Variants in TOR1AIP1 observed in about 807,000 individuals in gnomAD.
The protein encoded by TOR1AIP1 is torsin-1A-interacting protein 1.
In TOR1AIP1, 54 loss-of-function variants were observed where a neutral mutation model predicts 63.3. The ratio of observed to expected loss-of-function variants is 0.85; its 90% CI spans 0.69 to 1.07. TOR1AIP1 has a LOEUF of 1.07. Among genes scored for constraint, TOR1AIP1 ranks in the 50% least tolerant of loss-of-function variants. TOR1AIP1 has a pLI of 0.00. For missense variants in TOR1AIP1, 736 were observed against 715.0 expected, an observed-to-expected ratio of 1.03 and a Z score of -0.33; for synonymous variants, 294 against 273.5, an observed-to-expected ratio of 1.07 and a Z score of -0.74.
At position 179,908,686 on chromosome 1, in the gene TOR1AIP1, ATC is replaced by A. The variant is rs749037633; in HGVS notation, c.907+17_907+18del. On this transcript the variant is annotated intron_variant, in intron 8 of 9. Coordinates refer to ENST00000606911, the MANE Select transcript of TOR1AIP1 (RefSeq NM_015602.4). ...ACCAGGATGCAAAGTAAGTAGATAA[ATC>A]TCTGTTATTGAAATAATCTTGTGTA... is the stretch of plus-strand genomic sequence containing the variant. 8.1e-6 allele frequency: 13 copies of A among 1,604,212 alleles called. No homozygotes were observed. The highest frequency in any genetic ancestry group is 1.1e-5 in the Non-Finnish European group (13 of 1,172,346).
At chr1:179,910,137 C>T (rs1490006894) in intron 8 of TOR1AIP1, among the ~76,000 whole-genome samples, 1 of 152,170 alleles carries the variant, frequency 6.6e-6, no homozygotes, top group Non-Finnish European at 1.5e-5. Context: ...ATAAAACCAT[C>T]GTACTTTGAA....
intron 3 of TOR1AIP1, among the ~76,000 whole-genome samples, chr1:179,894,277 G>A (rs375201855): frequency 3.3e-5 from 5 of 151,328 alleles, no homozygotes; most frequent in Non-Finnish European, 5.9e-5. Flanking sequence ...GAATAAAGAC[G>A]ACAAATCACG....
rs374172035 is a variant in TOR1AIP1, at chr1:179,882,792, A to G, written c.290A>G (p.Glu97Gly). Reference sequence around the variant, plus strand: ...GAGTTCCGGTCCGATTCTGCGAAAGAGGAAGTGAGAGAAAGCGCGTACTAC... The same window carrying G: ...GAGTTCCGGTCCGATTCTGCGAAAGGGGAAGTGAGAGAAAGCGCGTACTAC... Reference protein sequence around the residue: ...LEEFRSDSAKEEVRESAYYLR... With the variant: ...LEEFRSDSAKGEVRESAYYLR... The change falls in exon 1 of 10, where the codon GAG becomes GGG. Residue 97 changes from glutamate (E) to glycine (G), a missense_variant. Physicochemically the swap from Glu to Gly is moderately conservative, Grantham distance 98. Around this residue, in one of 2 missense-constraint regions of TOR1AIP1, gnomAD observed 464 missense variants for 371.0 expected, o/e 1.25. Coordinates refer to ENST00000606911, the MANE Select transcript of TOR1AIP1 (RefSeq NM_015602.4). 2.5e-6 allele frequency: 4 copies of G among 1,614,048 alleles called. No individual in the cohort carries two copies. In the African/African-American group the frequency reaches 4.0e-5, roughly 16 times the overall value.
intron 9 of TOR1AIP1, among the ~76,000 whole-genome samples, chr1:179,914,605 C>G (rs1648933838): frequency 1.3e-5 from 2 of 152,054 alleles, no homozygotes; most frequent in African/African-American, 4.8e-5. Context: ...ACCATCCTGG[C>G]CAACATGGTG....
rs531766001 is a variant in TOR1AIP1 at position 179,906,841 on chromosome 1, CCTT to C, written c.797-976_797-974del. On this transcript the variant is annotated intron_variant, in intron 6 of 9. Transcript: ENST00000606911. ...CAAGCTCCGCCTCCCAGGTTCACGC[CCTT>C]CTTCTGCCTCAGCCTCCCGAGTAGC... Among the ~76,000 whole-genome samples the C allele has an allele frequency of 3.1e-4, 46 of 150,606 alleles. 1 individual carries two copies. The South Asian group carries it at 8.4e-3, about 28-fold the overall frequency.
At position 179,882,802 on chromosome 1, in the gene TOR1AIP1, A is replaced by G. The variant is rs571502268; in HGVS notation, c.300A>G (p.Arg100=). The part of the protein sequence containing the change: ...FRSDSAKEEV[R]ESAYYLRSRQ... ...CCGATTCTGCGAAAGAGGAAGTGAG[A>G]GAAAGCGCGTACTACCTTCGGTCTA... Residue 100 remains arginine, a synonymous_variant, in exon 1 of 10, where the codon AGA becomes AGG. Coordinates refer to ENST00000606911, the MANE Select transcript of TOR1AIP1 (RefSeq NM_015602.4). 3.7e-6 allele frequency: 6 copies of G among 1,614,056 alleles called. No individual in the cohort carries two copies. In the East Asian group the frequency reaches 6.7e-5, roughly 18 times the overall value.
chr1:179,901,666 A>T (rs1648469693), intron 5 of TOR1AIP1, among the ~76,000 whole-genome samples: 1 of 152,156 alleles, frequency 6.6e-6, no homozygotes, highest in Non-Finnish European at 1.5e-5. Flanking sequence ...TTTGAATTTT[A>T]TAGAGAAACT....
At chr1:179,916,652 C>G (rs1269367533) in intron 9 of TOR1AIP1, among the ~76,000 whole-genome samples, 1 of 150,256 alleles carries the variant, frequency 6.7e-6, no homozygotes, top group Non-Finnish European at 1.5e-5. Context: ...AAAGGGACAG[C>G]TAGCTATTAT....
intron 6 of TOR1AIP1, among the ~76,000 whole-genome samples, chr1:179,906,377 A>C (rs1435640283): frequency 6.6e-6 from 1 of 152,132 alleles, no homozygotes; most frequent in Non-Finnish European, 1.5e-5. Flanking sequence ...CAGCTAGCAC[A>C]TGTTTGTATT....
At chr1:179,910,915 T>C (rs1436430160) in intron 8 of TOR1AIP1, among the ~76,000 whole-genome samples, 4 of 152,250 alleles carry the variant, frequency 2.6e-5, no homozygotes, top group Admixed American at 6.5e-5. Flanking sequence ...AACATAATTA[T>C]ATTGAACATC....
intron 1 of TOR1AIP1, among the ~76,000 whole-genome samples, chr1:179,884,475 C>T (rs1437291755): frequency 6.6e-6 from 1 of 151,876 alleles, no homozygotes; most frequent in Non-Finnish European, 1.5e-5. Flanking sequence ...ACAACAATGG[C>T]AAATATTATT....
At chr1:179,894,278 A>T (rs1648197192) in intron 3 of TOR1AIP1, among the ~76,000 whole-genome samples, 1 of 151,736 alleles carries the variant, frequency 6.6e-6, no homozygotes, top group Non-Finnish European at 1.5e-5. Context: ...AATAAAGACG[A>T]CAAATCACGC....
intron 3 of TOR1AIP1, among the ~76,000 whole-genome samples, chr1:179,891,290 C>T (rs1648070012): frequency 6.6e-6 from 1 of 152,080 alleles, no homozygotes; most frequent in African/African-American, 2.4e-5. Flanking sequence ...GGTGCGATCT[C>T]GGCTCACTGC....
rs919698002 is a variant in TOR1AIP1 at position 179,882,711 on chromosome 1, T to G, written c.209T>G (p.Phe70Cys). 3 of 1,613,002 alleles carry G rather than the reference T, an allele frequency of 1.9e-6. No homozygotes were observed. Among genetic ancestry groups the G allele is most frequent in the African/African-American group, 2.7e-5 (2 of 74,818 alleles). The change falls in exon 1 of 10, where the codon TTC becomes TGC. Residue 70 changes from phenylalanine to cysteine, a missense_variant. Coordinates refer to ENST00000606911, the MANE Select transcript of TOR1AIP1 (RefSeq NM_015602.4). ...SDEPPEVYGD[F>C]EPLVAKERSP... ...GAGCCGCCAGAAGTGTACGGCGACT[T>G]CGAGCCCCTGGTGGCCAAAGAAAGG...
At chr1:179,884,127 G>T in intron 1 of TOR1AIP1, 1 of 157,160 alleles carries the variant, frequency 6.4e-6, no homozygotes. Context: ...GCCCATATAT[G>T]TGTTAGTTTT....
intron 9 of TOR1AIP1, among the ~76,000 whole-genome samples, chr1:179,917,221 T>C (rs997976173): frequency 7.9e-5 from 12 of 152,262 alleles, no homozygotes; most frequent in Non-Finnish European, 1.5e-4. Context: ...GACTTATTTT[T>C]ATATTGAAGA....
intron 3 of TOR1AIP1, among the ~76,000 whole-genome samples, chr1:179,895,024 C>T (rs1461777818): frequency 6.6e-6 from 1 of 152,194 alleles, no homozygotes; most frequent in African/African-American, 2.4e-5. Flanking sequence ...CAAAGTGGCA[C>T]AATTAATGCT....
intron 2 of TOR1AIP1, among the ~76,000 whole-genome samples, chr1:179,886,287 A>C (rs1256907965): frequency 6.6e-6 from 1 of 152,210 alleles, no homozygotes. Flanking sequence ...ACTGAGTGCT[A>C]GCCTCCGGAC....
intron 8 of TOR1AIP1, among the ~76,000 whole-genome samples, chr1:179,909,039 G>A (rs770572374): frequency 9.2e-5 from 14 of 151,960 alleles, no homozygotes; most frequent in East Asian, 3.9e-4. Flanking sequence ...TGGGCGTGGC[G>A]GCGGGAGGCT....
Sources: gnomAD v4.1 joint callset for allele counts (sites outside exome capture counted in the v4.1 genomes callset) on GRCh38, gnomAD v4.1.1 for gene constraint, gnomAD v4.1.1 regional missense constraint, MANE v1.5 for transcripts, NCBI Gene and HGNC (gene_info 2026-07-23, HGNC 2026-07-21) for gene names.